The following RBPMS variants were observed in gnomAD, a reference collection of about 807,000 sequenced individuals.
RBPMS encodes the protein RNA-binding protein with multiple splicing.
In RBPMS, 7 loss-of-function variants were observed where a neutral mutation model predicts 26.8. The ratio of observed to expected loss-of-function variants is 0.26; its 90% CI spans 0.15 to 0.49. The LOEUF (loss-of-function observed/expected upper bound fraction) is 0.49, where lower values mean the gene tolerates loss of function less well. Ranked by LOEUF, RBPMS falls within the 20% of genes least tolerant of loss-of-function variation. RBPMS has a pLI of 0.98. For missense variants in RBPMS, 186 were observed against 250.0 expected (o/e 0.74, Z 1.73); for synonymous variants, 96 against 93.3 (o/e 1.03, Z -0.17).
chr8:30,555,977 C>T (rs1051660780), intron 6 of RBPMS: 73 of 985,428 alleles, frequency 7.4e-5, no homozygotes, highest in South Asian at 9.4e-5. Flanking sequence ...GGCTGTGGTG[C>T]GGGAACCTGG....
intron 7 of RBPMS, among the ~76,000 whole-genome samples, chr8:30,559,484 A>G (rs1827264280): frequency 6.6e-6 from 1 of 152,258 alleles, no homozygotes; most frequent in Non-Finnish European, 1.5e-5. Context: ...TCATGAAGGA[A>G]GCACTATCCT....
At chr8:30,525,181 A>G (rs567973279) in intron 5 of RBPMS, among the ~76,000 whole-genome samples, 22 of 152,230 alleles carry the variant, frequency 1.4e-4, no homozygotes, top group Non-Finnish European at 5.9e-5. Flanking sequence ...AGGAATTAGC[A>G]GTCTCCTACT....
intron 5 of RBPMS, among the ~76,000 whole-genome samples, chr8:30,519,356 T>C (rs1822752208): frequency 6.6e-6 from 1 of 152,214 alleles, no homozygotes; most frequent in Admixed American, 6.5e-5. Context: ...CAGTTGTCTT[T>C]TTACAATTGA....
chr8:30,481,873 CG>C (rs1457463335), intron 4 of RBPMS, among the ~76,000 whole-genome samples: 1 of 152,106 alleles, frequency 6.6e-6, no homozygotes, highest in African/African-American at 2.4e-5. Context: ...GGGAAACAGA[CG>C]TGGAGAGGAT....
intron 2 of RBPMS, among the ~76,000 whole-genome samples, chr8:30,477,304 C>T (rs1817805537): frequency 6.7e-6 from 1 of 149,852 alleles, no homozygotes; most frequent in Non-Finnish European, 1.5e-5. Context: ...CCGCCTTGGC[C>T]TCCCAAAGTG....
intron 1 of RBPMS, among the ~76,000 whole-genome samples, chr8:30,460,941 C>G (rs1454342087): frequency 6.6e-6 from 1 of 151,578 alleles, no homozygotes; most frequent in African/African-American, 2.4e-5. Context: ...GTCCCAGCCA[C>G]TTGGGAAGCT....
intron 1 of RBPMS, among the ~76,000 whole-genome samples, chr8:30,414,208 T>C (rs960396636): frequency 6.6e-6 from 1 of 151,970 alleles, no homozygotes; most frequent in African/African-American, 2.4e-5. Flanking sequence ...TTATTAATGA[T>C]ACACTTCTTT....
At chr8:30,551,074 G>C (rs1826325472) in intron 6 of RBPMS, among the ~76,000 whole-genome samples, 1 of 152,112 alleles carries the variant, frequency 6.6e-6, no homozygotes, top group East Asian at 1.9e-4. Context: ...CTTGTACTTG[G>C]GGATATTGCT....
At chr8:30,471,397 TATAACA>T (rs1817090589) in intron 1 of RBPMS, among the ~76,000 whole-genome samples, 2 of 152,350 alleles carry the variant, frequency 1.3e-5, no homozygotes, top group East Asian at 3.9e-4. Flanking sequence ...CCCTTTTCTC[TATAACA>T]ATATTATAAA....
intron 5 of RBPMS, among the ~76,000 whole-genome samples, chr8:30,509,803 G>T (rs1476042419): frequency 6.6e-6 from 1 of 152,114 alleles, no homozygotes; most frequent in Non-Finnish European, 1.5e-5. Context: ...GGTGTTCTGA[G>T]GGCAAGACTT....
chr8:30,553,939 G>A (rs1412923450), intron 6 of RBPMS, among the ~76,000 whole-genome samples: 1 of 152,058 alleles, frequency 6.6e-6, no homozygotes, highest in Non-Finnish European at 1.5e-5. Context: ...ACCACACCCA[G>A]CTAATTTTTT....
chr8:30,415,285 C>G (rs914786635), intron 1 of RBPMS, among the ~76,000 whole-genome samples: 1 of 152,168 alleles, frequency 6.6e-6, no homozygotes, highest in African/African-American at 2.4e-5. Context: ...TGCTGCTGTC[C>G]TATTTCAGGC....
intron 6 of RBPMS, among the ~76,000 whole-genome samples, chr8:30,557,758 G>A (rs1827079916): frequency 6.6e-6 from 1 of 152,248 alleles, no homozygotes; most frequent in Non-Finnish European, 1.5e-5. Context: ...CCGCCTCCAT[G>A]TGAAAGGAAG....
intron 5 of RBPMS, among the ~76,000 whole-genome samples, chr8:30,529,518 C>T (rs557818760): frequency 6.7e-6 from 1 of 150,192 alleles, no homozygotes; most frequent in South Asian, 2.2e-4. Flanking sequence ...AAAGAAAAGA[C>T]AAAACAAAAC....
chr8:30,419,451 T>TGTGTGTGG (rs772168259), intron 1 of RBPMS, among the ~76,000 whole-genome samples: 1 of 8,064 alleles, frequency 1.2e-4, no homozygotes, highest in African/African-American at 1.1e-3. Flanking sequence ...ATCTCAAAAA[T>TGTGTGTGG]GTGTGTGTGT....
intron 5 of RBPMS, among the ~76,000 whole-genome samples, chr8:30,529,474 C>A (rs1196433341): frequency 6.6e-6 from 1 of 151,840 alleles, no homozygotes; most frequent in Non-Finnish European, 1.5e-5. Context: ...TGCACTCCAG[C>A]CTGAGCAACA....
At chr8:30,454,484 T>G (rs951358301) in intron 1 of RBPMS, among the ~76,000 whole-genome samples, 5 of 152,216 alleles carry the variant, frequency 3.3e-5, no homozygotes, top group African/African-American at 1.2e-4. Context: ...ACTCCTTTTC[T>G]TAACATTAAA....
At chr8:30,515,258 C>T (rs1165863574) in intron 5 of RBPMS, among the ~76,000 whole-genome samples, 2 of 152,180 alleles carry the variant, frequency 1.3e-5, no homozygotes, top group Non-Finnish European at 2.9e-5. Flanking sequence ...AGGTGTGAGC[C>T]ACCACACCAG....
chr8:30,464,447 T>G (rs888273365), intron 1 of RBPMS, among the ~76,000 whole-genome samples: 2 of 152,222 alleles, frequency 1.3e-5, no homozygotes, highest in African/African-American at 4.8e-5. Flanking sequence ...AGTTCACACC[T>G]TCTCTAATTG....
Sources: allele counts gnomAD v4.1 joint callset (sites outside exome capture counted in the v4.1 genomes callset), GRCh38; gene constraint gnomAD v4.1.1; transcripts MANE v1.5; gene names NCBI Gene and HGNC (gene_info 2026-07-23, HGNC 2026-07-21).